The following PRDM2 variants were observed in gnomAD, a reference collection of about 807,000 sequenced individuals.
The protein encoded by PRDM2 is PR domain zinc finger protein 2.
A neutral mutation model predicts 130.0 loss-of-function variants in PRDM2; 30 were observed. That is an observed-to-expected ratio of 0.23 (90% CI 0.17 to 0.31). PRDM2 has a LOEUF of 0.31. Ranked by LOEUF, PRDM2 falls within the 10% of genes least tolerant of loss-of-function variation. PRDM2 has a pLI of 1.00. For synonymous variants in PRDM2, 871 were observed against 782.4 expected (o/e 1.11, Z -1.89); for missense variants, 2,011 against 2,108.4 (o/e 0.95, Z 0.90).
chr1:13,746,397 T>A (rs1256657406), intron 5 of PRDM2, among the ~76,000 whole-genome samples: 1 of 151,804 alleles, frequency 6.6e-6, no homozygotes, highest in African/African-American at 2.4e-5. Context: ...TTAAAAAAAA[T>A]ACTATTATTT....
chr1:13,795,377 G>A (rs139304387), intron 8 of PRDM2, among the ~76,000 whole-genome samples: 27 of 152,328 alleles, frequency 1.8e-4, no homozygotes, highest in African/African-American at 6.0e-4. Context: ...CAAGCAATTT[G>A]CCTGAAGTCA....
chr1:13,775,655 G>C lies in PRDM2; in HGVS notation c.622+2467G>C, dbSNP rs576625282. On this transcript the variant is annotated intron_variant, in intron 7 of 9. Coordinates refer to ENST00000311066, the MANE Select transcript of PRDM2 (RefSeq NM_001393986.1). ...AGGCTAGGACTGAATAAGTGAGCTT[G>C]TATGAGTAATACTTGGCATTGACCT... Among the ~76,000 whole-genome samples the C allele has an allele frequency of 3.3e-5, 5 of 152,310 alleles. No individual in the cohort carries two copies. In the East Asian group the frequency reaches 9.6e-4, roughly 29 times the overall value.
At chr1:13,702,099 G>A (rs1034833130) in intron 1 of PRDM2, among the ~76,000 whole-genome samples, 2 of 152,154 alleles carry the variant, frequency 1.3e-5, no homozygotes, top group African/African-American at 4.8e-5. Context: ...GATAACCATT[G>A]TTAACGTTTG....
chr1:13,755,978 G>A (rs969852758), intron 6 of PRDM2, among the ~76,000 whole-genome samples: 4 of 151,604 alleles, frequency 2.6e-5, no homozygotes, highest in Non-Finnish European at 4.4e-5. Context: ...GAGGCTGGGC[G>A]CAATGGCTCA....
At chr1:13,787,267 C>T in intron 8 of PRDM2, 1 of 982,480 alleles carries the variant, frequency 1.0e-6, no homozygotes, top group African/African-American at 1.7e-5. Flanking sequence ...CAGGCGCATC[C>T]CAGGCCTGTA....
At chr1:13,804,530 T>C (rs1415268205) in intron 8 of PRDM2, among the ~76,000 whole-genome samples, 1 of 152,134 alleles carries the variant, frequency 6.6e-6, no homozygotes, top group African/African-American at 2.4e-5. Context: ...GGGATCTTCT[T>C]AAACTGCAAA....
At chr1:13,786,692 C>G in intron 8 of PRDM2, 2 of 1,475,816 alleles carry the variant, frequency 1.4e-6, no homozygotes, top group Non-Finnish European at 1.8e-6. Context: ...GGCTTAGAGT[C>G]AGGCATCTGC....
Position 13,782,049 on chromosome 1 carries a change from A to T in PRDM2, c.4254A>T (p.Lys1418Asn). 2 of 1,614,158 alleles carry T rather than the reference A, an allele frequency of 1.2e-6. No homozygotes were observed. The highest frequency in any genetic ancestry group is 2.2e-5 in the South Asian group (2 of 91,078). ...GCAAAATGTCGTCGAATAAGCTCAA[A>T]TTAAATGCATTGAAGAAAAAAAATC... ...ELSKMSSNKL[K>N]LNALKKKNQL... The change falls in exon 8 of 10, where the codon AAA (lysine) becomes AAT (asparagine). Residue 1418 changes from lysine to asparagine, a missense_variant. Transcript: ENST00000311066.
rs200384633 is a variant in PRDM2, at chr1:13,741,720, T to TTGTGTGTGTGTGTGTGTGTGTG, written c.232-261_232-240dup. Among the ~76,000 whole-genome samples, 26 of 112,588 alleles carry TTGTGTGTGTGTGTGTGTGTGTG rather than the reference T, an allele frequency of 2.3e-4. 1 individual carries two copies. Among genetic ancestry groups the TTGTGTGTGTGTGTGTGTGTGTG allele is most frequent in the African/African-American group, 8.6e-4 (21 of 24,368 alleles). The allele number at this position is 112,588 out of a possible 152,430, so 73.9% of individuals were successfully genotyped here. A position where few individuals can be genotyped will look rare whatever the true frequency, so the allele number is the denominator to read the frequency against. On this transcript the variant is annotated intron_variant, in intron 4 of 9. Transcript: ENST00000311066. ...GCATGCTGACTATAGCTCTTTAAGT[T>TTGTGTGTGTGTGTGTGTGTGTG]TGTGTGTGTGTGTGTGTGTGTGTGT...
At position 13,782,281 on chromosome 1, in the gene PRDM2, A is replaced by G; in HGVS notation, c.4486A>G (p.Lys1496Glu). The change falls in exon 8 of 10, where the codon AAA (lysine) becomes GAA (glutamate). Residue 1496 changes from lysine to glutamate, a missense_variant. Lys to Glu is a moderately conservative substitution (Grantham distance 56, BLOSUM62 1). Around this residue, in one of 5 missense-constraint regions of PRDM2, gnomAD observed 410 missense variants for 395.9 expected, o/e 1.04. Coordinates refer to ENST00000311066, the MANE Select transcript of PRDM2 (RefSeq NM_001393986.1). ...AAAAAAAGTTTCTCATTCATCTAAGAAAGGTGGACACTCATCACCTGCAAG... is the reference window on the plus strand; with the variant it reads ...AAAAAAAGTTTCTCATTCATCTAAGGAAGGTGGACACTCATCACCTGCAAG... ...PKKKVSHSSKKGGHSSPASSD... is the reference protein window; with the variant it reads ...PKKKVSHSSKEGGHSSPASSD... 1 of 1,614,026 alleles carries G rather than the reference A, an allele frequency of 6.2e-7. No homozygotes were observed. Among genetic ancestry groups the G allele is most frequent in the Non-Finnish European group, 8.5e-7 (1 of 1,180,016 alleles).
intron 7 of PRDM2, among the ~76,000 whole-genome samples, chr1:13,774,305 T>C (rs1304932169): frequency 1.3e-5 from 2 of 152,208 alleles, no homozygotes; most frequent in African/African-American, 4.8e-5. Context: ...ACTTGAGTTG[T>C]TTATAGTGAG....
chr1:13,786,099 C>A (rs1243873445), intron 8 of PRDM2, among the ~76,000 whole-genome samples: 1 of 151,996 alleles, frequency 6.6e-6, no homozygotes, highest in Non-Finnish European at 1.5e-5. Flanking sequence ...CGGCCTCCTG[C>A]AGTGCTGGGA....
chr1:13,711,811 T>A (rs1383229925), intron 1 of PRDM2, among the ~76,000 whole-genome samples: 2 of 151,904 alleles, frequency 1.3e-5, no homozygotes, highest in Non-Finnish European at 2.9e-5. Context: ...GCAATTAGGA[T>A]TTGGAAGTAA....
intron 4 of PRDM2, among the ~76,000 whole-genome samples, chr1:13,733,205 C>T (rs1643163714): frequency 6.6e-6 from 1 of 152,186 alleles, no homozygotes. Flanking sequence ...GCCACATAAA[C>T]CCCATAAAAG....
chr1:13,737,178 A>G (rs1318070915), intron 4 of PRDM2, among the ~76,000 whole-genome samples: 1 of 152,254 alleles, frequency 6.6e-6, no homozygotes, highest in East Asian at 1.9e-4. Flanking sequence ...TTCTAGCAGT[A>G]GGGAAAGGTT....
At chr1:13,800,283 GA>G (rs1257995852) in intron 8 of PRDM2, among the ~76,000 whole-genome samples, 1 of 152,236 alleles carries the variant, frequency 6.6e-6, no homozygotes, top group Non-Finnish European at 1.5e-5. Context: ...ACAGATGCGG[GA>G]ATAGAGACTT....
At chr1:13,762,941 AG>A (rs1196541700) in intron 6 of PRDM2, among the ~76,000 whole-genome samples, 7 of 152,206 alleles carry the variant, frequency 4.6e-5, no homozygotes, top group African/African-American at 9.7e-5. Context: ...TTTGATCAGC[AG>A]CAGTGGAGCT....
At chr1:13,712,402 A>G (rs80352683) in intron 1 of PRDM2, among the ~76,000 whole-genome samples, 1 of 152,244 alleles carries the variant, frequency 6.6e-6, no homozygotes, top group Non-Finnish European at 1.5e-5. Flanking sequence ...GAGGGAAAAC[A>G]TGAAAAGCAG....
intron 8 of PRDM2, chr1:13,786,579 T>C (rs746419328): frequency 2.5e-6 from 4 of 1,603,206 alleles, no homozygotes; most frequent in East Asian, 2.2e-5. Context: ...TATTGCATGC[T>C]CAACTTAGGA....
Sources: allele counts gnomAD v4.1 joint callset (sites outside exome capture counted in the v4.1 genomes callset), GRCh38; gene constraint gnomAD v4.1.1; regional missense constraint gnomAD v4.1.1; transcripts MANE v1.5; gene names NCBI Gene and HGNC (gene_info 2026-07-23, HGNC 2026-07-21).